Variants in KNTC1 observed in about 807,000 individuals in gnomAD.
KNTC1 encodes kinetochore associated 1.
KNTC1 carries 253 observed loss-of-function variants against 314.4 expected under a neutral mutation model. The ratio of observed to expected loss-of-function variants is 0.80; its 90% confidence interval spans 0.73 to 0.89. The LOEUF is 0.89. Among genes scored for constraint, KNTC1 ranks in the 40% least tolerant of loss-of-function variants. KNTC1 has a pLI of 0.00. For synonymous variants in KNTC1, 901 were observed against 901.4 expected (o/e 1.00, Z 0.01); for missense variants, 2,475 against 2,572.9 (o/e 0.96, Z 0.82).
chr12:122,531,118 C>T (rs1213255496), intron 2 of KNTC1, among the ~76,000 whole-genome samples: 1 of 151,600 alleles, frequency 6.6e-6, no homozygotes, highest in Non-Finnish European at 1.5e-5. Flanking sequence ...AGGGCATCCA[C>T]TGTGGACGTT....
rs781319389 is a variant in KNTC1, at chr12:122,585,026, G to T, written c.3534+36G>T. ...TTTGAGTTTTTTCCCTTAAATCCTG[G>T]GCAACGCATTATGCACCTTTTTTTT... On this transcript the variant is annotated intron_variant, in intron 36 of 63. Transcript: ENST00000333479. 32 of 1,256,832 alleles carry T rather than the reference G, an allele frequency of 2.5e-5. No individual in the cohort carries two copies. The South Asian group carries it at 3.6e-4, about 14-fold the overall frequency. The allele number at this position is 1,256,832 out of a possible 1,614,324, so 77.9% of individuals were successfully genotyped here. A position where few individuals can be genotyped will look rare whatever the true frequency, so the allele number is the denominator to read the frequency against.
At chr12:122,594,230 C>A in intron 42 of KNTC1, 46 bp from the exon 43 acceptor site, 1 of 1,047,010 alleles carries the variant, frequency 9.6e-7, no homozygotes, top group Non-Finnish European at 1.5e-6. Flanking sequence ...TGATACATTT[C>A]AGTGTAGAGG....
intron 3 of KNTC1, 128 bp downstream of exon 3, chr12:122,534,912 A>G: frequency 1.1e-6 from 1 of 915,702 alleles, no homozygotes; most frequent in Non-Finnish European, 1.7e-6. Context: ...ATTTCAAGTA[A>G]TTAAGCTTGA....
At chr12:122,615,763 G>A (rs1292669809) in intron 57 of KNTC1, among the ~76,000 whole-genome samples, 3 of 152,066 alleles carry the variant, frequency 2.0e-5, no homozygotes, top group East Asian at 1.9e-4. Context: ...CTCCAGCTCC[G>A]GCCTGGGGAA....
At chr12:122,557,769 T>C (rs1240776862) in intron 18 of KNTC1, 80 bp downstream of exon 18, 10 of 947,788 alleles carry the variant, frequency 1.1e-5, no homozygotes, top group Non-Finnish European at 1.6e-5. Context: ...GCCTCAAATA[T>C]ATCTTTTCCT....
At position 122,618,406 on chromosome 12, in the gene KNTC1, C is replaced by G; in HGVS notation, c.6085+9C>G. On this transcript the variant is annotated intron_variant, in intron 58 of 63. Transcript: ENST00000333479. ...GATACCACTGCTTTCAGGTATTTCG[C>G]TCTCTGAAACATTGGCTACAGCATT... The G allele has an allele frequency of 6.2e-7, 1 of 1,613,462 alleles. No homozygotes were observed. Among genetic ancestry groups the G allele is most frequent in the Non-Finnish European group, 8.5e-7 (1 of 1,179,482 alleles).
At chr12:122,557,859 CTATT>C (rs1565953683) in intron 18 of KNTC1, among the ~76,000 whole-genome samples, 170 bp downstream of exon 18, 1 of 152,154 alleles carries the variant, frequency 6.6e-6, no homozygotes, top group Non-Finnish European at 1.5e-5. Flanking sequence ...TACAATTCAC[CTATT>C]TAAAGTATAC....
chr12:122,561,798 A>G (rs938731157), intron 18 of KNTC1, 123 bp from the exon 19 acceptor site: 3 of 686,322 alleles, frequency 4.4e-6, no homozygotes, highest in Non-Finnish European at 7.2e-6. Context: ...ATAGTTTACT[A>G]TTCATTTCAC....
At chr12:122,605,614 C>G (rs1255686249) in intron 51 of KNTC1, among the ~76,000 whole-genome samples, 199 bp downstream of exon 51, 1 of 152,168 alleles carries the variant, frequency 6.6e-6, no homozygotes, top group African/African-American at 2.4e-5. Context: ...GGCGCGGTCT[C>G]GGCTCACTGC....
chr12:122,573,176 A>G lies in KNTC1; in HGVS notation c.2174A>G (p.Asp725Gly), dbSNP rs899016563. Residue 725 changes from aspartate to glycine, a missense_variant, in exon 26 of 64, where the codon GAT becomes GGT. Coordinates refer to ENST00000333479, the MANE Select transcript of KNTC1 (RefSeq NM_014708.6). ...ACCACCATAGTGTTCCGAATGTTTG[A>G]TAAAGTGCTGGCCCCAGAGCTTATT... Reference protein sequence around the residue: ...NTTTIVFRMFDKVLAPELIPS... With the variant: ...NTTTIVFRMFGKVLAPELIPS... 1 of 1,613,926 alleles carries G rather than the reference A, an allele frequency of 6.2e-7. No homozygotes were observed. Among genetic ancestry groups the G allele is most frequent in the Admixed American group, 1.7e-5 (1 of 60,014 alleles).
intron 18 of KNTC1, among the ~76,000 whole-genome samples, chr12:122,559,207 T>A (rs567944474): frequency 3.6e-4 from 55 of 151,996 alleles, no homozygotes; most frequent in African/African-American, 1.2e-3. Context: ...ATACAAAAAA[T>A]TATCCAGGCA....
At chr12:122,573,454 A>AG (rs1337871815) in intron 26 of KNTC1, among the ~76,000 whole-genome samples, 169 bp downstream of exon 26, 1 of 152,154 alleles carries the variant, frequency 6.6e-6, no homozygotes, top group East Asian at 1.9e-4. Flanking sequence ...TCTTGAGCAA[A>AG]GGGGGGATAC....
In KNTC1 at chr12:122,620,595, A is replaced by C; in HGVS notation, c.6266A>C (p.His2089Pro). Residue 2089 changes from histidine (H) to proline (P), a missense_variant, in exon 60 of 64, where the codon CAC becomes CCC. His to Pro is a moderately conservative substitution (Grantham distance 77). Transcript: ENST00000333479. Reference protein sequence around the residue: ...LMLMPHSEKRHQQIKNFLGSC... With the variant: ...LMLMPHSEKRPQQIKNFLGSC... ...CTCATGCCCCACTCAGAGAAAAGAC[A>C]CCAGCAAATTAAGGTATCGTGCACA... The C allele has an allele frequency of 6.2e-7, 1 of 1,613,612 alleles. No homozygotes were observed. The highest frequency in any genetic ancestry group is 8.5e-7 in the Non-Finnish European group (1 of 1,179,662).
intron 20 of KNTC1, among the ~76,000 whole-genome samples, chr12:122,566,086 G>A (rs982367104): frequency 2.0e-5 from 3 of 151,186 alleles, no homozygotes; most frequent in Non-Finnish European, 4.4e-5. Context: ...GGGATTACAG[G>A]CGTCTGCCAC....
intron 51 of KNTC1, among the ~76,000 whole-genome samples, chr12:122,606,768 T>C (rs1257462362): frequency 6.6e-6 from 1 of 152,154 alleles, no homozygotes; most frequent in African/African-American, 2.4e-5. Flanking sequence ...TCATCTCTCC[T>C]CTATAATTGA....
At position 122,597,414 on chromosome 12, in the gene KNTC1, A is replaced by G. The variant is rs575446938; in HGVS notation, c.4356-317A>G. The G allele has an allele frequency of 8.2e-5, 25 of 306,512 alleles. No homozygotes were observed. The East Asian group carries it at 1.8e-3, about 22-fold the overall frequency. The allele number at this position is 306,512 out of a possible 1,614,324, so 19.0% of individuals were successfully genotyped here. ...CAGCCATGCGCCACCATGCCTGGCT[A>G]ATTTTTGTATTTTTAGTAGAGATGG... On this transcript the variant is annotated intron_variant, in intron 43 of 63. Transcript: ENST00000333479.
chr12:122,573,519 T>C (rs1964829649), intron 26 of KNTC1, among the ~76,000 whole-genome samples: 1 of 152,126 alleles, frequency 6.6e-6, no homozygotes, highest in Non-Finnish European at 1.5e-5. Flanking sequence ...TTTAGGGAGT[T>C]TATTTTGCCA....
At chr12:122,557,280 C>T (rs1963663447) in intron 16 of KNTC1, 104 bp from the exon 17 acceptor site, 3 of 1,073,906 alleles carry the variant, frequency 2.8e-6, no homozygotes, top group Non-Finnish European at 4.1e-6. Flanking sequence ...CATGAGGATT[C>T]ACCTTTTTGA....
Position 122,570,926 on chromosome 12 carries a change from T to C in KNTC1, c.1911T>C (p.Thr637=). ...AAGCAGCCAGGAACCTTGAATTAAC[T>C]GATAAGGTAATACTGATTTAATTAA... is the stretch of plus-strand genomic sequence containing the variant. ...LEQAARNLEL[T]DKANWPENGL... The change falls in exon 23 of 64, where the codon ACT becomes ACC. Residue 637 remains threonine (T), a synonymous_variant. Coordinates refer to ENST00000333479, the MANE Select transcript of KNTC1 (RefSeq NM_014708.6). 1 of 1,573,624 alleles carries C rather than the reference T, an allele frequency of 6.4e-7. No individual in the cohort carries two copies. Among genetic ancestry groups the C allele is most frequent in the Non-Finnish European group, 8.7e-7 (1 of 1,155,768 alleles).
Sources: allele counts gnomAD v4.1 joint callset (sites outside exome capture counted in the v4.1 genomes callset), GRCh38; gene constraint gnomAD v4.1.1; transcripts MANE v1.5; gene names NCBI Gene and HGNC (gene_info 2026-07-23, HGNC 2026-07-21).